Variants in SEMA6D observed in about 807,000 individuals in gnomAD.
SEMA6D encodes the protein semaphorin 6D.
A neutral mutation model predicts 106.6 loss-of-function variants in SEMA6D; 35 were observed. The observed-to-expected ratio is 0.33, with a 90% CI of 0.25 to 0.44. The LOEUF is 0.44. Among genes scored for constraint, SEMA6D ranks in the 20% least tolerant of loss-of-function variants. The pLI is 1.00. For synonymous variants in SEMA6D, 499 were observed against 487.7 expected (o/e 1.02, Z -0.31); for missense variants, 1,185 against 1,345.9 (o/e 0.88, Z 1.87).
At position 47,768,684 on chromosome 15, in the gene SEMA6D, A is replaced by G. The variant is rs1183409690; in HGVS notation, c.1869A>G (p.Lys623=). The change falls in exon 18 of 19, where the codon AAA becomes AAG. Residue 623 remains lysine (K), a synonymous_variant. Coordinates refer to ENST00000536845, the MANE Select transcript of SEMA6D (RefSeq NM_001358351.3). ...TWRPKLTSSR[K]FVVQDDPNTS... ...GACCTAAACTGACAAGCTCTCGGAAATTTGTAGTTCAAGATGATCCAAACA... is the reference window on the plus strand; with the variant it reads ...GACCTAAACTGACAAGCTCTCGGAAGTTTGTAGTTCAAGATGATCCAAACA... 2 of 1,613,728 alleles carry G rather than the reference A, an allele frequency of 1.2e-6. No individual in the cohort carries two copies. The highest frequency in any genetic ancestry group is 1.7e-6 in the Non-Finnish European group (2 of 1,179,700).
chr15:47,322,082 G>C (rs1838243395), intron 1 of SEMA6D, among the ~76,000 whole-genome samples: 1 of 152,140 alleles, frequency 6.6e-6, no homozygotes, highest in Admixed American at 6.5e-5. Context: ...CTCCAACCCA[G>C]AAGGCAGGCG....
At chr15:47,432,232 T>C (rs1339612473) in intron 2 of SEMA6D, among the ~76,000 whole-genome samples, 1 of 152,122 alleles carries the variant, frequency 6.6e-6, no homozygotes, top group African/African-American at 2.4e-5. Flanking sequence ...TATGTAGATA[T>C]GATTCTTATG....
chr15:47,395,421 G>A (rs987708729), intron 1 of SEMA6D: 1 of 152,226 alleles, frequency 6.6e-6, no homozygotes, highest in African/African-American at 2.4e-5. Flanking sequence ...CCAGAAGGCT[G>A]TGCTTAAGAC....
chr15:47,447,361 G>T (rs559917948), intron 2 of SEMA6D, among the ~76,000 whole-genome samples: 1 of 152,226 alleles, frequency 6.6e-6, no homozygotes, highest in Non-Finnish European at 1.5e-5. Flanking sequence ...TCTGGGGAAG[G>T]AAGAGGGGCT....
chr15:47,553,690 T>C (rs966456012), intron 3 of SEMA6D, among the ~76,000 whole-genome samples: 5 of 152,082 alleles, frequency 3.3e-5, no homozygotes, highest in African/African-American at 1.2e-4. Context: ...AAGCTTTTTT[T>C]CTCCTGCACT....
chr15:47,408,151 T>G (rs1261375494), intron 1 of SEMA6D, among the ~76,000 whole-genome samples: 1 of 152,104 alleles, frequency 6.6e-6, no homozygotes, highest in Non-Finnish European at 1.5e-5. Flanking sequence ...AGGTGGTGGG[T>G]AAGACAACTA....
At chr15:47,186,330 A>T (rs1174768427) in intron 1 of SEMA6D, among the ~76,000 whole-genome samples, 4 of 152,140 alleles carry the variant, frequency 2.6e-5, no homozygotes, top group Non-Finnish European at 5.9e-5. Context: ...TGTTGAGGGT[A>T]TGGAAAGCTG....
Position 47,420,867 on chromosome 15 carries a change from G to A in SEMA6D, c.-159+8395G>A, listed in dbSNP as rs919282248. ...TTGTGACCTTAGGGGCAGCTATTCA[G>A]TTCTCTAGAACAAAAAAATGTACAT... On this transcript the variant is annotated intron_variant, in intron 2 of 19. Transcript: ENST00000558014. Among the ~76,000 whole-genome samples the A allele has an allele frequency of 7.2e-5, 11 of 152,018 alleles. 1 individual carries two copies. The highest frequency in any genetic ancestry group is 5.9e-4 in the Admixed American group (9 of 15,240).
chr15:47,338,994 A>T (rs2037691707), intron 1 of SEMA6D: 2 of 152,132 alleles, frequency 1.3e-5, no homozygotes, highest in South Asian at 4.1e-4. Context: ...TAGATCATGT[A>T]CTTTTTGTCC....
chr15:47,364,116 A>G (rs1446182860), intron 1 of SEMA6D, among the ~76,000 whole-genome samples: 2 of 152,166 alleles, frequency 1.3e-5, no homozygotes, highest in East Asian at 1.9e-4. Context: ...AAATTAAGAC[A>G]TTGACTTTTG....
intron 1 of SEMA6D, among the ~76,000 whole-genome samples, chr15:47,299,631 G>A (rs2035940312): frequency 6.6e-6 from 1 of 152,202 alleles, no homozygotes; most frequent in Non-Finnish European, 1.5e-5. Flanking sequence ...AATAGTTAAT[G>A]AGGCTGACAT....
intron 3 of SEMA6D, among the ~76,000 whole-genome samples, chr15:47,595,992 A>G (rs1285777404): frequency 3.9e-5 from 6 of 152,132 alleles, no homozygotes; most frequent in Non-Finnish European, 5.9e-5. Context: ...GTAAGAAAGT[A>G]GTGAAATTGT....
intron 4 of SEMA6D, among the ~76,000 whole-genome samples, chr15:47,655,792 G>A (rs2077781047): frequency 2.0e-5 from 3 of 152,124 alleles, no homozygotes; most frequent in South Asian, 4.1e-4. Context: ...CATTATTCAC[G>A]GATTCAGTAG....
intron 1 of SEMA6D, among the ~76,000 whole-genome samples, chr15:47,299,526 G>A (rs1429187715): frequency 6.6e-6 from 1 of 152,236 alleles, no homozygotes; most frequent in Non-Finnish European, 1.5e-5. Flanking sequence ...TGTTTCAGCA[G>A]GGACTGCAGG....
rs538150559 is a variant in SEMA6D, at chr15:47,773,558, A to G, written c.*1773A>G. 9 of 152,426 alleles carry G rather than the reference A, an allele frequency of 5.9e-5. No homozygotes were observed. The highest frequency in any genetic ancestry group is 2.1e-4 in the South Asian group (1 of 4,824). 9.4% of individuals were successfully genotyped at this position (152,426 alleles called of 1,614,324 possible). On this transcript the variant is annotated 3_prime_UTR_variant, in exon 19 of 19. Coordinates refer to ENST00000536845, the MANE Select transcript of SEMA6D (RefSeq NM_001358351.3). The stretch of plus-strand genomic sequence containing the variant: ...GTTCAACTGGATTTCTTTTGACAAT[A>G]CTGTTGGTACCTATTACTTGGGGGA...
At chr15:47,653,042 T>C (rs2077723269) in intron 4 of SEMA6D, among the ~76,000 whole-genome samples, 1 of 152,214 alleles carries the variant, frequency 6.6e-6, no homozygotes, top group Non-Finnish European at 1.5e-5. Flanking sequence ...TTACTCTCCA[T>C]GCGTACTTAT....
chr15:47,295,146 G>A (rs16959186), intron 1 of SEMA6D, among the ~76,000 whole-genome samples: 4,739 of 152,244 alleles, frequency 0.031, 180 homozygotes, highest in African/African-American at 0.091. Context: ...ATTATCTGCA[G>A]CACATTTGTC....
chr15:47,656,898 G>A (rs1002142923), intron 4 of SEMA6D, among the ~76,000 whole-genome samples: 16 of 152,102 alleles, frequency 1.1e-4, no homozygotes, highest in African/African-American at 3.9e-4. Flanking sequence ...GTATACACTC[G>A]GATAGTGGAA....
intron 3 of SEMA6D, among the ~76,000 whole-genome samples, chr15:47,550,508 C>A (rs4775694): frequency 0.99 from 150,931 of 152,272 alleles, 74,812 homozygotes; most frequent in Middle Eastern, 1. Flanking sequence ...GTATTCCCTA[C>A]TGTGAGAACT....
Sources: allele counts gnomAD v4.1 joint callset (sites outside exome capture counted in the v4.1 genomes callset), GRCh38; gene constraint gnomAD v4.1.1; transcripts MANE v1.5; gene names NCBI Gene and HGNC (gene_info 2026-07-23, HGNC 2026-07-21).